The following GRHL1 variants were observed in gnomAD, a reference collection of about 807,000 sequenced individuals.
GRHL1 encodes grainyhead-like protein 1 homolog.
GRHL1 carries 38 observed loss-of-function variants against 75.7 expected under a neutral mutation model. That is an observed-to-expected ratio of 0.50 (90% CI 0.39 to 0.66). The LOEUF is 0.66. Ranked by LOEUF, GRHL1 falls within the 30% of genes least tolerant of loss-of-function variation. The pLI is 0.00. For synonymous variants in GRHL1, 266 were observed against 279.4 expected (o/e 0.95, Z 0.48); for missense variants, 589 against 767.5 (o/e 0.77, Z 2.75).
At position 9,987,318 on chromosome 2, in the gene GRHL1, T is replaced by C. The variant is rs1668463807; in HGVS notation, c.1269+1036T>C. ...GTTTTGGCCTTGCAAAGACACATTA[T>C]GTAGAGATTTTTGAAATTACGTTTT... On this transcript the variant is annotated intron_variant, in intron 9 of 15. Coordinates refer to ENST00000324907, the MANE Select transcript of GRHL1 (RefSeq NM_198182.3). This position sits in a 1 kb window ranked among gnomAD's most constrained non-coding sequence, Gnocchi z 4.2. Among the ~76,000 whole-genome samples, 1 of 152,212 alleles carries C rather than the reference T, an allele frequency of 6.6e-6. No homozygotes were observed. The highest frequency in any genetic ancestry group is 1.5e-5 in the Non-Finnish European group (1 of 68,046).
At chr2:9,982,365 A>G (rs1282957045) in intron 8 of GRHL1, among the ~76,000 whole-genome samples, 3 of 152,210 alleles carry the variant, frequency 2.0e-5, no homozygotes, top group African/African-American at 4.8e-5. Context: ...ATCTTGGCCA[A>G]TCACTCGAAT....
intron 15 of GRHL1, 53 bp downstream of exon 15, chr2:9,999,082 G>A (rs373079927): frequency 3.4e-6 from 3 of 893,690 alleles, no homozygotes; most frequent in Non-Finnish European, 5.2e-6. Context: ...GCCCCCCGCA[G>A]TGCTAGTGTG....
At position 9,962,960 on chromosome 2, in the gene GRHL1, A is replaced by T. The variant is rs1462248707; in HGVS notation, c.746+429A>T. Among the ~76,000 whole-genome samples, 4 of 151,890 alleles carry T rather than the reference A, an allele frequency of 2.6e-5. No homozygotes were observed. The South Asian group carries it at 6.2e-4, about 24-fold the overall frequency. ...AATAAATGAAGTCAACTTTTTTCTG[A>T]GCTGACAACTTTCTTTTGACCTCAC... On this transcript the variant is annotated intron_variant, in intron 5 of 15. Transcript: ENST00000324907.
chr2:9,977,114 A>C (rs1667979395), intron 8 of GRHL1, among the ~76,000 whole-genome samples: 1 of 152,120 alleles, frequency 6.6e-6, no homozygotes, highest in Non-Finnish European at 1.5e-5. Flanking sequence ...AAAATGTTTA[A>C]TTTCTGTAAC....
intron 3 of GRHL1, 22 bp from the exon 4 acceptor site, chr2:9,961,024 A>G: frequency 6.6e-7 from 1 of 1,516,448 alleles, no homozygotes; most frequent in Non-Finnish European, 8.9e-7. Flanking sequence ...TCGCGTTTGA[A>G]AGCAGTTTTC....
intron 1 of GRHL1, 109 bp from the exon 2 acceptor site, chr2:9,954,806 C>CATTGATGACCT: frequency 2.2e-6 from 2 of 925,742 alleles, no homozygotes; most frequent in Non-Finnish European, 3.4e-6. Context: ...TTCCTAGGGT[C>CATTGATGACCT]ATTGATGAAA....
rs1184366805 is a variant in GRHL1 at position 9,958,859 on chromosome 2, AAC to A, written c.278+5_278+6del. 10 of 1,613,448 alleles carry A rather than the reference AAC, an allele frequency of 6.2e-6. No individual in the cohort carries two copies. Among genetic ancestry groups the A allele is most frequent in the Non-Finnish European group, 8.5e-6 (10 of 1,179,438 alleles). On this transcript the variant is annotated splice_donor_5th_base_variant and intron_variant, in intron 3 of 15. Transcript: ENST00000324907. ...CCTGAGCCAGATCACAGCAAAAGGT[AAC>A]ATTCAGTGCCTAACAGCATAAAGAG... is the stretch of plus-strand genomic sequence containing the variant.
chr2:9,978,849 T>G (rs12614762), intron 8 of GRHL1, among the ~76,000 whole-genome samples: 78,639 of 151,602 alleles, frequency 0.52, 21,214 homozygotes, highest in African/African-American at 0.67. Flanking sequence ...AGATTAGCCA[T>G]GTGTGGTGAC....
chr2:10,000,965 G>A lies in GRHL1; in HGVS notation c.*258G>A. ...TCCTGATATATACAGGATTTAAAGT[G>A]AAAACTTTATTCCAAGAGTTAACAG... On this transcript the variant is annotated 3_prime_UTR_variant, in exon 16 of 16. Coordinates refer to ENST00000324907, the MANE Select transcript of GRHL1 (RefSeq NM_198182.3). The A allele has an allele frequency of 3.5e-6, 1 of 288,054 alleles. No individual in the cohort carries two copies. 17.8% of individuals were successfully genotyped at this position (288,054 alleles called of 1,614,324 possible).
At position 9,965,411 on chromosome 2, in the gene GRHL1, C is replaced by G. The variant is rs758142886; in HGVS notation, c.1110+30C>G. 4 of 1,200,492 alleles carry G rather than the reference C, an allele frequency of 3.3e-6. No homozygotes were observed. In the East Asian group the frequency reaches 9.3e-5, roughly 28 times the overall value. 74.4% of individuals were successfully genotyped at this position (1,200,492 alleles called of 1,614,324 possible). On this transcript the variant is annotated intron_variant, in intron 8 of 15. Coordinates refer to ENST00000324907, the MANE Select transcript of GRHL1 (RefSeq NM_198182.3). The stretch of plus-strand genomic sequence containing the variant: ...GTGGTGAGGTCTGGGCGCCTTATGT[C>G]CAGCCATTTGAGAAATGGGAGGAGT...
intron 9 of GRHL1, among the ~76,000 whole-genome samples, chr2:9,988,870 G>T (rs1039945948): frequency 6.6e-6 from 1 of 152,156 alleles, no homozygotes; most frequent in Non-Finnish European, 1.5e-5. Context: ...TGTAGAAACA[G>T]AAATACCTTA....
intron 5 of GRHL1, among the ~76,000 whole-genome samples, chr2:9,963,078 T>C (rs1001835273): frequency 6.6e-6 from 1 of 152,256 alleles, no homozygotes; most frequent in Non-Finnish European, 1.5e-5. Context: ...TGTTATATTT[T>C]ACAGTTTTAA....
intron 8 of GRHL1, among the ~76,000 whole-genome samples, chr2:9,984,463 T>G (rs1668335958): frequency 6.6e-6 from 1 of 152,184 alleles, no homozygotes; most frequent in African/African-American, 2.4e-5. Flanking sequence ...AAATCCACAG[T>G]GATAAAAATA....
chr2:9,990,667 A>C lies in GRHL1; in HGVS notation c.1270-29A>C. The C allele has an allele frequency of 6.9e-7, 1 of 1,442,524 alleles. No individual in the cohort carries two copies. Among genetic ancestry groups the C allele is most frequent in the Non-Finnish European group, 9.6e-7 (1 of 1,038,362 alleles). 89.4% of individuals were successfully genotyped at this position (1,442,524 alleles called of 1,614,324 possible). ...ATTTTAAAGAAGATTGGAAAACAGA[A>C]TCATATCTTGTCTTCTCTTAACCTA... is the stretch of plus-strand genomic sequence containing the variant. On this transcript the variant is annotated intron_variant, in intron 9 of 15. Coordinates refer to ENST00000324907, the MANE Select transcript of GRHL1 (RefSeq NM_198182.3). This position sits in a 1 kb window ranked among gnomAD's most constrained non-coding sequence, Gnocchi z 4.2.
chr2:9,965,276 G>A lies in GRHL1; in HGVS notation c.1016-11G>A, dbSNP rs536802739. 1.0e-5 allele frequency: 15 copies of A among 1,496,764 alleles called. No homozygotes were observed. Among genetic ancestry groups the A allele is most frequent in the East Asian group, 4.5e-5 (2 of 44,344 alleles). 92.7% of individuals were successfully genotyped at this position (1,496,764 alleles called of 1,614,324 possible). A position where few individuals can be genotyped will look rare whatever the true frequency, so the allele number is the denominator to read the frequency against. ...ATGAGTTTTCATTTTCTCTTCCACC[G>A]CTTCCTGTAGCTGACTATAAAGAAA... is the stretch of plus-strand genomic sequence containing the variant. On this transcript the variant is annotated splice_polypyrimidine_tract_variant and intron_variant, in intron 7 of 15. Coordinates refer to ENST00000324907, the MANE Select transcript of GRHL1 (RefSeq NM_198182.3).
At chr2:9,962,328 CAAAAAT>C in intron 4 of GRHL1, 121 bp from the exon 5 acceptor site, 1 of 599,106 alleles carries the variant, frequency 1.7e-6, no homozygotes, top group Non-Finnish European at 3.0e-6. Context: ...AATTTTTACT[CAAAAAT>C]AAATATGGAA....
At chr2:9,963,475 T>C (rs1423252763) in intron 5 of GRHL1, among the ~76,000 whole-genome samples, 1 of 152,202 alleles carries the variant, frequency 6.6e-6, no homozygotes, top group East Asian at 1.9e-4. Flanking sequence ...GCCTGCCTAT[T>C]AAAGACATTT....
In GRHL1 at chr2:9,961,150, A is replaced by G. The variant is rs370641787; in HGVS notation, c.383A>G (p.Asn128Ser). Reference sequence around the variant, plus strand: ...TTTAACATTGTCCTTCCCCATGGCAACCAGCTGGGCATTGATAAGAGAGGC... The same window carrying G: ...TTTAACATTGTCCTTCCCCATGGCAGCCAGCTGGGCATTGATAAGAGAGGC... ...VPFNIVLPHG[N>S]QLGIDKRGHL... The change falls in exon 4 of 16, where the codon AAC becomes AGC. Residue 128 changes from asparagine (N) to serine (S), a missense_variant. Physicochemically the swap from Asn to Ser is conservative, Grantham distance 46. Around this residue, in one of 5 missense-constraint regions of GRHL1, gnomAD observed 362 missense variants for 461.8 expected, o/e 0.78. Coordinates refer to ENST00000324907, the MANE Select transcript of GRHL1 (RefSeq NM_198182.3). The G allele has an allele frequency of 8.1e-5, 130 of 1,613,216 alleles. No individual in the cohort carries two copies. Among genetic ancestry groups the G allele is most frequent in the Non-Finnish European group, 1.1e-4 (126 of 1,179,592 alleles).
chr2:9,975,909 T>C (rs1667929994), intron 8 of GRHL1, among the ~76,000 whole-genome samples: 1 of 151,884 alleles, frequency 6.6e-6, no homozygotes, highest in South Asian at 2.1e-4. Context: ...AAACAAAAAA[T>C]AATAAACACA....
Sources: gnomAD v4.1 joint callset for allele counts (sites outside exome capture counted in the v4.1 genomes callset) on GRCh38, gnomAD v4.1.1 for gene constraint, gnomAD v4.1.1 regional missense constraint, Gnocchi (gnomAD v3.1) non-coding constraint, MANE v1.5 for transcripts, NCBI Gene and HGNC (gene_info 2026-07-23, HGNC 2026-07-21) for gene names.